MSI2: variants seen among roughly 807,000 people sequenced by gnomAD.
The protein encoded by MSI2 is RNA-binding protein Musashi homolog 2.
In MSI2, 17 loss-of-function variants were observed where a neutral mutation model predicts 45.6. That is an observed-to-expected ratio of 0.37 (90% CI 0.26 to 0.56). MSI2 has a LOEUF of 0.56. Among genes scored for constraint, MSI2 ranks in the 20% least tolerant of loss-of-function variants. MSI2 has a pLI of 0.77. For missense variants in MSI2, 293 were observed against 444.2 expected (o/e 0.66, Z 3.06); for synonymous variants, 156 against 158.2 (o/e 0.99, Z 0.11).
chr17:57,260,609 G>GTC (rs1271693205), intron 4 of MSI2, among the ~76,000 whole-genome samples: 1 of 152,078 alleles, frequency 6.6e-6, no homozygotes, highest in African/African-American at 2.4e-5. Flanking sequence ...ACAAGCGCTA[G>GTC]TCAGTGCTGG....
chr17:57,381,887 G>A (rs551995566), intron 5 of MSI2, among the ~76,000 whole-genome samples: 5 of 151,844 alleles, frequency 3.3e-5, no homozygotes, highest in East Asian at 3.9e-4. Flanking sequence ...TATTTTCCAC[G>A]CAATTTGATT....
intron 5 of MSI2, among the ~76,000 whole-genome samples, chr17:57,374,065 G>C (rs1025716163): frequency 3.9e-5 from 6 of 152,138 alleles, no homozygotes; most frequent in Non-Finnish European, 7.4e-5. Flanking sequence ...CTGTGTTATG[G>C]CCATGCAAGG....
intron 9 of MSI2, among the ~76,000 whole-genome samples, chr17:57,622,480 C>T (rs1908397519): frequency 6.6e-6 from 1 of 152,188 alleles, no homozygotes; most frequent in African/African-American, 2.4e-5. Context: ...AGAAATAGCA[C>T]ATTGCTGAGC....
chr17:57,445,602 A>G (rs1320461885), intron 6 of MSI2, among the ~76,000 whole-genome samples: 1 of 152,066 alleles, frequency 6.6e-6, no homozygotes, highest in African/African-American at 2.4e-5. Flanking sequence ...TTAATTGTAT[A>G]AAGATTATAA....
At position 57,272,539 on chromosome 17, in the gene MSI2, C is replaced by G. The variant is rs575062716; in HGVS notation, c.312+10347C>G. ...ATATTGGTGGCATAATTAAACATGG[C>G]AACAACTGCTTCTTAAATATTTCAG... On this transcript the variant is annotated intron_variant, in intron 5 of 13. Coordinates refer to ENST00000284073, the MANE Select transcript of MSI2 (RefSeq NM_138962.4). Among the ~76,000 whole-genome samples the G allele has an allele frequency of 1.6e-4, 24 of 152,302 alleles. No homozygotes were observed. The South Asian group carries it at 3.9e-3, about 25-fold the overall frequency.
intron 6 of MSI2, among the ~76,000 whole-genome samples, chr17:57,486,880 T>C (rs986289584): frequency 6.6e-6 from 1 of 152,220 alleles, no homozygotes; most frequent in Non-Finnish European, 1.5e-5. Context: ...AAGCTGTCCA[T>C]GTCCTTACTG....
chr17:57,439,598 G>A (rs994911333), intron 6 of MSI2, among the ~76,000 whole-genome samples: 9 of 147,644 alleles, frequency 6.1e-5, no homozygotes, highest in Non-Finnish European at 8.9e-5. Context: ...TCGCTCTGTC[G>A]CTCAGGCTGG....
chr17:57,603,529 G>C (rs985107728), intron 8 of MSI2, among the ~76,000 whole-genome samples: 4 of 152,234 alleles, frequency 2.6e-5, no homozygotes, highest in African/African-American at 9.6e-5. Flanking sequence ...GATACCTGGA[G>C]GTCTCGGCCT....
At chr17:57,369,781 A>G (rs2083394194) in intron 5 of MSI2, among the ~76,000 whole-genome samples, 1 of 152,216 alleles carries the variant, frequency 6.6e-6, no homozygotes, top group Non-Finnish European at 1.5e-5. Flanking sequence ...AAACAGAGGC[A>G]CAGAGAGGTT....
chr17:57,614,043 C>T (rs1304005384), intron 8 of MSI2, among the ~76,000 whole-genome samples: 2 of 151,962 alleles, frequency 1.3e-5, no homozygotes, highest in African/African-American at 2.4e-5. Flanking sequence ...TTTTTATTTT[C>T]GTTTTATTTA....
chr17:57,343,828 T>TC (rs374495296), intron 5 of MSI2, among the ~76,000 whole-genome samples: 1 of 152,170 alleles, frequency 6.6e-6, no homozygotes, highest in African/African-American at 2.4e-5. Context: ...AATACAATCC[T>TC]CCCCCACCTT....
At chr17:57,298,379 G>A (rs1911163587) in intron 5 of MSI2, among the ~76,000 whole-genome samples, 2 of 152,120 alleles carry the variant, frequency 1.3e-5, no homozygotes, top group Non-Finnish European at 2.9e-5. Context: ...CTCAACAGTG[G>A]GCTTAAAATA....
chr17:57,490,570 G>A (rs368602605), intron 6 of MSI2, among the ~76,000 whole-genome samples: 11 of 152,332 alleles, frequency 7.2e-5, no homozygotes, highest in Admixed American at 5.2e-4. Context: ...TGTAAAGCAT[G>A]GTTGGGACAG....
At chr17:57,375,877 GC>G (rs1307669974) in intron 5 of MSI2, among the ~76,000 whole-genome samples, 2 of 152,126 alleles carry the variant, frequency 1.3e-5, no homozygotes, top group Non-Finnish European at 2.9e-5. Context: ...TGTTCCTGTA[GC>G]CAAGGCACCC....
intron 7 of MSI2, among the ~76,000 whole-genome samples, chr17:57,573,521 T>C (rs1239707404): frequency 2.0e-5 from 3 of 152,194 alleles, no homozygotes; most frequent in Admixed American, 6.5e-5. Flanking sequence ...GCTGAGCCTG[T>C]TGAGGTCACC....
chr17:57,350,348 G>A (rs958159891), intron 5 of MSI2, among the ~76,000 whole-genome samples: 9 of 151,994 alleles, frequency 5.9e-5, no homozygotes, highest in Admixed American at 5.2e-4. Context: ...TGGAATAGCC[G>A]TTGTAGGGAT....
intron 5 of MSI2, among the ~76,000 whole-genome samples, chr17:57,270,794 T>A (rs1447272932): frequency 1.3e-5 from 2 of 152,156 alleles, no homozygotes; most frequent in African/African-American, 4.8e-5. Context: ...CCTGCCCCCA[T>A]CATCAGGGGA....
At chr17:57,304,364 A>AG (rs1911695958) in intron 5 of MSI2, among the ~76,000 whole-genome samples, 1 of 150,878 alleles carries the variant, frequency 6.6e-6, no homozygotes, top group Admixed American at 6.6e-5. Flanking sequence ...CTCCAAAAAA[A>AG]AAAAAAAAGA....
In MSI2 at chr17:57,477,462, A is replaced by T. The variant is rs76655475; in HGVS notation, c.406-52214A>T. 2.1e-3 allele frequency among the ~76,000 whole-genome samples: 324 copies of T among 152,180 alleles called. 1 individual carries two copies. The highest frequency in any genetic ancestry group is 7.7e-3 in the African/African-American group (318 of 41,520). Reference sequence around the variant, plus strand: ...TGAAATGGTCTTGATCAAACAACAGAGTAGTAGTTAACCGAAACCCATGTC... The same window carrying T: ...TGAAATGGTCTTGATCAAACAACAGTGTAGTAGTTAACCGAAACCCATGTC... On this transcript the variant is annotated intron_variant, in intron 6 of 13. Transcript: ENST00000284073.
Sources: allele counts gnomAD v4.1 joint callset (sites outside exome capture counted in the v4.1 genomes callset), GRCh38; gene constraint gnomAD v4.1.1; transcripts MANE v1.5; gene names NCBI Gene and HGNC (gene_info 2026-07-23, HGNC 2026-07-21).